The following SOX5 variants were observed in gnomAD, a reference collection of about 807,000 sequenced individuals.
SOX5 encodes transcription factor SOX-5.
SOX5 carries 9 observed loss-of-function variants against 92.0 expected under a neutral mutation model. The ratio of observed to expected loss-of-function variants is 0.10; its 90% CI spans 0.06 to 0.17. The LOEUF (loss-of-function observed/expected upper bound fraction) is 0.17. Ranked by LOEUF, SOX5 falls within the 10% of genes least tolerant of loss-of-function variation. SOX5 has a pLI of 1.00. For missense variants in SOX5, 642 were observed against 944.5 expected, an observed-to-expected ratio of 0.68 and a Z score of 4.20; for synonymous variants, 344 against 336.3, an observed-to-expected ratio of 1.02 and a Z score of -0.25.
chr12:23,855,355 T>C (rs1214986833), intron 2 of SOX5, among the ~76,000 whole-genome samples: 1 of 152,096 alleles, frequency 6.6e-6, no homozygotes, highest in East Asian at 1.9e-4. Flanking sequence ...CTCTGTTGCA[T>C]ATTCAATTTT....
chr12:23,973,160 C>A (rs1395812027), intron 4 of SOX5, among the ~76,000 whole-genome samples: 1 of 111,998 alleles, frequency 8.9e-6, no homozygotes, highest in African/African-American at 3.4e-5. Context: ...TAACTTTTTT[C>A]TTTTTTTTTT....
intron 4 of SOX5, among the ~76,000 whole-genome samples, chr12:23,995,511 C>T (rs185126546): frequency 1.3e-5 from 2 of 152,218 alleles, no homozygotes; most frequent in Admixed American, 1.3e-4. Context: ...GCCTGGACAA[C>T]ATAGTGAGAC....
chr12:23,574,160 A>C (rs1948778363), intron 10 of SOX5, among the ~76,000 whole-genome samples: 1 of 151,994 alleles, frequency 6.6e-6, no homozygotes, highest in African/African-American at 2.4e-5. Context: ...CTAATGCAAT[A>C]CCTATGATTC....
intron 1 of SOX5, among the ~76,000 whole-genome samples, chr12:24,386,227 C>T (rs528760154): frequency 6.6e-6 from 1 of 152,158 alleles, no homozygotes; most frequent in South Asian, 2.1e-4. Context: ...ATTTACTCTA[C>T]CTAACTTTCC....
intron 1 of SOX5, among the ~76,000 whole-genome samples, chr12:24,525,416 C>G (rs548173868): frequency 4.6e-5 from 7 of 152,190 alleles, no homozygotes; most frequent in Admixed American, 3.3e-4. Flanking sequence ...AGGCACAAAG[C>G]GCCAGTTAAG....
intron 2 of SOX5, among the ~76,000 whole-genome samples, chr12:24,311,594 G>A (rs530201513): frequency 2.9e-4 from 44 of 152,254 alleles, no homozygotes; most frequent in Non-Finnish European, 4.9e-4. Flanking sequence ...ATACAATTTA[G>A]TCATTATGAC....
At chr12:23,647,533 A>G (rs1380798989) in intron 7 of SOX5, among the ~76,000 whole-genome samples, 2 of 152,140 alleles carry the variant, frequency 1.3e-5, no homozygotes, top group Admixed American at 6.5e-5. Context: ...TCTGGATGGC[A>G]TCTTCTTCCA....
chr12:24,465,158 G>T (rs1944087408), intron 1 of SOX5, among the ~76,000 whole-genome samples: 1 of 152,170 alleles, frequency 6.6e-6, no homozygotes. Flanking sequence ...TTCTCTCACG[G>T]ATGGGAAAAC....
intron 4 of SOX5, among the ~76,000 whole-genome samples, chr12:23,984,553 A>G (rs1949884632): frequency 6.6e-6 from 1 of 152,220 alleles, no homozygotes; most frequent in Non-Finnish European, 1.5e-5. Context: ...GGGTTGTCTC[A>G]GTATGACTAG....
At chr12:23,935,748 C>T (rs969059631) in intron 1 of SOX5, among the ~76,000 whole-genome samples, 5 of 151,106 alleles carry the variant, frequency 3.3e-5, no homozygotes, top group African/African-American at 1.2e-4. Flanking sequence ...ATATCATCTA[C>T]ATTTTCAATA....
At chr12:23,912,047 A>G (rs929987966) in intron 1 of SOX5, among the ~76,000 whole-genome samples, 3 of 152,130 alleles carry the variant, frequency 2.0e-5, no homozygotes, top group East Asian at 1.9e-4. Flanking sequence ...TTGCAAATAT[A>G]TATCTGGTAA....
intron 4 of SOX5, among the ~76,000 whole-genome samples, chr12:24,049,436 G>A (rs946143120): frequency 2.6e-5 from 4 of 152,136 alleles, no homozygotes; most frequent in African/African-American, 9.7e-5. Context: ...CTGAAACAGT[G>A]AGAAAGCATT....
chr12:23,640,825 G>A lies in SOX5; in HGVS notation c.1004C>T (p.Pro335Leu). ...TTCCTGACTTACCTGCAGTTGGAGT[G>A]GGCCTAAGCCTGGTGTTGCTGCGGC... ...AAAAATPGLG[P>L]LQLQQLYAAQ... The change falls in exon 8 of 15, where the codon CCA (proline) becomes CTA (leucine). Residue 335 changes from proline to leucine, a missense_variant. By Grantham distance (98) the Pro-to-Leu change is moderately conservative. Around this residue, in one of 8 missense-constraint regions of SOX5, gnomAD observed 324 missense variants for 461.6 expected, o/e 0.70. Coordinates refer to ENST00000451604, the MANE Select transcript of SOX5 (RefSeq NM_006940.6). 6.2e-7 allele frequency: 1 copy of A among 1,613,210 alleles called. No individual in the cohort carries two copies. The highest frequency in any genetic ancestry group is 1.1e-5 in the South Asian group (1 of 91,050).
At chr12:24,085,249 T>A (rs1463224081) in intron 4 of SOX5, among the ~76,000 whole-genome samples, 1 of 152,114 alleles carries the variant, frequency 6.6e-6, no homozygotes, top group Non-Finnish European at 1.5e-5. Context: ...ATCCCCTCAA[T>A]GGAATACCTT....
At position 23,548,021 on chromosome 12, in the gene SOX5, C is replaced by T. The variant is rs757438249; in HGVS notation, c.1489-1597G>A. Among the ~76,000 whole-genome samples, 7 of 152,152 alleles carry T rather than the reference C, an allele frequency of 4.6e-5. No individual in the cohort carries two copies. The East Asian group carries it at 9.7e-4, about 21-fold the overall frequency. Reference sequence around the variant, plus strand: ...AAAGACAGTTACATTTGAAAACACACGCACACATACACACATTCCATCAAC... The same window carrying T: ...AAAGACAGTTACATTTGAAAACACATGCACACATACACACATTCCATCAAC... On this transcript the variant is annotated intron_variant, in intron 11 of 14. Transcript: ENST00000451604.
At chr12:23,756,171 A>C (rs1269473695) in intron 3 of SOX5, among the ~76,000 whole-genome samples, 1 of 151,794 alleles carries the variant, frequency 6.6e-6, no homozygotes, top group Non-Finnish European at 1.5e-5. Flanking sequence ...TCCACTTTAT[A>C]ATATGTGTTT....
chr12:23,985,511 T>G (rs1949984445), intron 4 of SOX5, among the ~76,000 whole-genome samples: 1 of 152,202 alleles, frequency 6.6e-6, no homozygotes, highest in African/African-American at 2.4e-5. Context: ...TAAATTGCAC[T>G]GGCCAAATTT....
chr12:23,812,401 G>A (rs754718861), intron 3 of SOX5, among the ~76,000 whole-genome samples: 2 of 151,930 alleles, frequency 1.3e-5, no homozygotes, highest in Non-Finnish European at 2.9e-5. Context: ...GTCAAAATAT[G>A]TCTATCAGTA....
intron 2 of SOX5, among the ~76,000 whole-genome samples, chr12:24,350,231 G>A (rs775999108): frequency 2.6e-5 from 4 of 152,218 alleles, no homozygotes; most frequent in African/African-American, 4.8e-5. Flanking sequence ...TTAGAACTTA[G>A]TAGGGCGTAG....
Sources: gnomAD v4.1 joint callset for allele counts (sites outside exome capture counted in the v4.1 genomes callset) on GRCh38, gnomAD v4.1.1 for gene constraint, gnomAD v4.1.1 regional missense constraint, MANE v1.5 for transcripts, NCBI Gene and HGNC (gene_info 2026-07-23, HGNC 2026-07-21) for gene names.